ARNT: variants seen among roughly 807,000 people sequenced by gnomAD.
The protein encoded by ARNT is aryl hydrocarbon receptor nuclear translocator, also known as class E basic helix-loop-helix protein 2.
In ARNT, 30 loss-of-function variants were observed where a neutral mutation model predicts 105.0. That is an observed-to-expected ratio of 0.29 (90% CI 0.21 to 0.39). The LOEUF (loss-of-function observed/expected upper bound fraction) is 0.39. Ranked by LOEUF, ARNT falls within the 10% of genes least tolerant of loss-of-function variation. The pLI is 1.00. For missense variants in ARNT, 748 were observed against 978.7 expected, an observed-to-expected ratio of 0.76 and a Z score of 3.15; for synonymous variants, 304 against 344.0, an observed-to-expected ratio of 0.88 and a Z score of 1.29.
chr1:150,839,090 G>A (rs1660822961), intron 6 of ARNT, among the ~76,000 whole-genome samples: 1 of 152,128 alleles, frequency 6.6e-6, no homozygotes, highest in South Asian at 2.1e-4. Flanking sequence ...CTGCTTCAGG[G>A]ATAAGAAATA....
intron 13 of ARNT, among the ~76,000 whole-genome samples, chr1:150,824,462 T>C (rs936499983): frequency 6.6e-6 from 1 of 150,540 alleles, no homozygotes; most frequent in Non-Finnish European, 1.5e-5. Flanking sequence ...CTTTTTCTTT[T>C]TTTTTTTTTT....
rs1655418460 is a variant in ARNT at position 150,814,497 on chromosome 1, A to T, written c.1951-258T>A. ...TAAGAATTAAATGAAAGCATCTTATAAACTGTGAAGTTATATAAAACTAGA... is the reference window on the plus strand; with the variant it reads ...TAAGAATTAAATGAAAGCATCTTATTAACTGTGAAGTTATATAAAACTAGA... On this transcript the variant is annotated intron_variant, in intron 19 of 21. Coordinates refer to ENST00000358595, the MANE Select transcript of ARNT (RefSeq NM_001668.4). Among the ~76,000 whole-genome samples the T allele has an allele frequency of 3.3e-5, 5 of 152,240 alleles. No individual in the cohort carries two copies. The South Asian group carries it at 1.0e-3, about 32-fold the overall frequency.
At position 150,846,256 on chromosome 1, in the gene ARNT, A is replaced by G. The variant is rs780073518; in HGVS notation, c.227+7T>C. 7 of 1,608,444 alleles carry G rather than the reference A, an allele frequency of 4.4e-6. No homozygotes were observed. The highest frequency in any genetic ancestry group is 2.2e-5 in the East Asian group (1 of 44,816). On this transcript the variant is annotated splice_region_variant and intron_variant, in intron 4 of 21. Transcript: ENST00000358595. Reference sequence around the variant, plus strand: ...ATATTACAATATATTACCTACTACAATATTACCTGGCAAACCGCTCCTTAT... The same window carrying G: ...ATATTACAATATATTACCTACTACAGTATTACCTGGCAAACCGCTCCTTAT...
chr1:150,871,226 A>T (rs1327567231), intron 1 of ARNT, among the ~76,000 whole-genome samples: 1 of 150,892 alleles, frequency 6.6e-6, no homozygotes, highest in South Asian at 2.1e-4. Context: ...AGGTGTTGTC[A>T]TATTTCCAAC....
At chr1:150,817,535 T>C in intron 15 of ARNT, 102 bp from the exon 16 acceptor site, 1 of 1,101,756 alleles carries the variant, frequency 9.1e-7, no homozygotes. Flanking sequence ...AGGCCGGGCA[T>C]GGTGGCTCAT....
chr1:150,817,257 AAC>A, intron 16 of ARNT, 55 bp from the exon 17 acceptor site: 1 of 1,612,634 alleles, frequency 6.2e-7, no homozygotes, highest in Non-Finnish European at 8.5e-7. Context: ...ACAATTCAAT[AAC>A]CCTAAAATTC....
intron 13 of ARNT, among the ~76,000 whole-genome samples, chr1:150,826,095 A>G (rs1441814259): frequency 1.3e-5 from 2 of 152,074 alleles, no homozygotes; most frequent in Middle Eastern, 3.4e-3. Flanking sequence ...TTGTATTTTT[A>G]GTAGACATGG....
chr1:150,814,352 A>C, intron 19 of ARNT, 113 bp from the exon 20 acceptor site: 1 of 1,009,756 alleles, frequency 9.9e-7, no homozygotes, highest in Non-Finnish European at 1.4e-6. Context: ...AACCAAGCTC[A>C]TCACTTATTT....
chr1:150,846,187 C>A, intron 4 of ARNT, 76 bp downstream of exon 4: 2 of 1,279,742 alleles, frequency 1.6e-6, no homozygotes, highest in South Asian at 1.4e-5. Flanking sequence ...AAAATTAAGT[C>A]AATATGCTAG....
chr1:150,813,311 T>G lies in ARNT; in HGVS notation c.2141A>C (p.Gln714Pro). Residue 714 changes from glutamine (Q) to proline (P), a missense_variant, in exon 21 of 22, where the codon CAA (glutamine) becomes CCA (proline). By Grantham distance (76) the Gln-to-Pro change is moderately conservative (BLOSUM62 -1). Around this residue, in one of 4 missense-constraint regions of ARNT, gnomAD observed 360 missense variants for 411.9 expected, o/e 0.87. Coordinates refer to ENST00000358595, the MANE Select transcript of ARNT (RefSeq NM_001668.4). ...ACCCTCTGCTGTCCGTGTCTGGAAT[T>G]GTCCTGCAGTCTGTCCAGTCTCAGG... Reference protein sequence around the residue: ...FAPETGQTAGQFQTRTAEGVG... With the variant: ...FAPETGQTAGPFQTRTAEGVG... The G allele has an allele frequency of 6.2e-7, 1 of 1,613,290 alleles. No individual in the cohort carries two copies. The highest frequency in any genetic ancestry group is 1.1e-5 in the South Asian group (1 of 90,798).
chr1:150,863,627 G>C (rs587706793), intron 1 of ARNT, among the ~76,000 whole-genome samples: 34 of 152,108 alleles, frequency 2.2e-4, no homozygotes, highest in Non-Finnish European at 3.7e-4. Context: ...TCAGGAGTTC[G>C]AGACCAGCCT....
intron 8 of ARNT, 93 bp from the exon 9 acceptor site, chr1:150,832,492 C>A: frequency 3.4e-6 from 4 of 1,176,474 alleles, no homozygotes; most frequent in South Asian, 2.6e-5. Flanking sequence ...CTGGATACAA[C>A]CAGACATAGA....
In ARNT at chr1:150,817,398, G is replaced by A. The variant is rs1656101334; in HGVS notation, c.1541C>T (p.Pro514Leu). 6.2e-7 allele frequency: 1 copy of A among 1,613,946 alleles called. No homozygotes were observed. Among genetic ancestry groups the A allele is most frequent in the Admixed American group, 1.7e-5 (1 of 59,988 alleles). Residue 514 changes from proline to leucine, a missense_variant, in exon 16 of 22, where the codon CCA (proline) becomes CTA (leucine). By Grantham distance (98) the Pro-to-Leu change is moderately conservative (BLOSUM62 -3). This residue lies in a region of ARNT where 360 missense variants were observed against 411.9 expected (regional missense o/e 0.87). Coordinates refer to ENST00000358595, the MANE Select transcript of ARNT (RefSeq NM_001668.4). ...GTAGCTGGCCAGTCCATCTCTTCCTGGTACCATGTCCAATTCTGTTTGCTG... is the reference window on the plus strand; with the variant it reads ...GTAGCTGGCCAGTCCATCTCTTCCTAGTACCATGTCCAATTCTGTTTGCTG... ...QQQQTELDMV[P>L]GRDGLASYNH...
At position 150,816,901 on chromosome 1, in the gene ARNT, A is replaced by T; in HGVS notation, c.1700-11T>A. On this transcript the variant is annotated splice_polypyrimidine_tract_variant and intron_variant, in intron 17 of 21. Transcript: ENST00000358595. ...TGCCTTTACTCTGATCTGTGGACCA[A>T]AAGGAGTTGGGGAAGGGCCAGTCAA... 6.2e-7 allele frequency: 1 copy of T among 1,606,380 alleles called. No individual in the cohort carries two copies.
intron 7 of ARNT, among the ~76,000 whole-genome samples, chr1:150,835,122 A>G (rs1660063961): frequency 1.4e-5 from 2 of 147,988 alleles, no homozygotes; most frequent in Non-Finnish European, 3.0e-5. Context: ...CTCAGCAATA[A>G]AGCAAGACCT....
At chr1:150,846,750 C>T (rs1369578037) in intron 3 of ARNT, among the ~76,000 whole-genome samples, 1 of 152,116 alleles carries the variant, frequency 6.6e-6, no homozygotes, top group Non-Finnish European at 1.5e-5. Context: ...AAACTCTATA[C>T]TCATCAAACA....
At chr1:150,868,062 C>T (rs1203698001) in intron 1 of ARNT, among the ~76,000 whole-genome samples, 2 of 151,876 alleles carry the variant, frequency 1.3e-5, no homozygotes, top group African/African-American at 4.8e-5. Flanking sequence ...TGGTAGGTAC[C>T]AAGTGAATGT....
At chr1:150,830,031 C>G (rs753728230) in intron 10 of ARNT, 51 bp from the exon 11 acceptor site, 2 of 1,587,970 alleles carry the variant, frequency 1.3e-6, no homozygotes, top group Non-Finnish European at 1.7e-6. Context: ...AACTCAAATG[C>G]CTTCAAAACT....
rs950613985 is a variant in ARNT, at chr1:150,826,324, G to C, written c.1242+219C>G. ...GACAGCTCCTTGGATACAGTTAATT[G>C]AATACAAGACAGTAAATAGCCAAAG... is the stretch of plus-strand genomic sequence containing the variant. On this transcript the variant is annotated intron_variant, in intron 13 of 21. Coordinates refer to ENST00000358595, the MANE Select transcript of ARNT (RefSeq NM_001668.4). Among the ~76,000 whole-genome samples the C allele has an allele frequency of 5.3e-5, 8 of 152,292 alleles. No homozygotes were observed. In the South Asian group the frequency reaches 1.0e-3, roughly 20 times the overall value.
Sources: gnomAD v4.1 joint callset for allele counts (sites outside exome capture counted in the v4.1 genomes callset) on GRCh38, gnomAD v4.1.1 for gene constraint, gnomAD v4.1.1 regional missense constraint, MANE v1.5 for transcripts, NCBI Gene and HGNC (gene_info 2026-07-23, HGNC 2026-07-21) for gene names.